SMU1: variants seen among roughly 807,000 people sequenced by gnomAD.
SMU1 encodes SMU1 DNA replication regulator and spliceosomal factor, also known as WD40 repeat-containing protein SMU1.
In SMU1, 2 loss-of-function variants were observed where a neutral mutation model predicts 62.0. The observed-to-expected ratio is 0.03, with a 90% CI of 0.01 to 0.10. The LOEUF (loss-of-function observed/expected upper bound fraction) is 0.10. Among genes scored for constraint, SMU1 ranks in the 10% least tolerant of loss-of-function variants. The pLI is 1.00. For missense variants in SMU1, 227 were observed against 622.1 expected, an observed-to-expected ratio of 0.36 and a Z score of 6.76; for synonymous variants, 188 against 212.4, an observed-to-expected ratio of 0.89 and a Z score of 1.00.
At chr9:33,050,874 C>A (rs1002390707) in intron 10 of SMU1, among the ~76,000 whole-genome samples, 1 of 68,636 alleles carries the variant, frequency 1.5e-5, no homozygotes, top group Non-Finnish European at 3.7e-5. Flanking sequence ...GTAATCCCAG[C>A]ACTTTGGGAG....
chr9:33,068,680 C>T (rs968895129), intron 4 of SMU1, 144 bp downstream of exon 4: 2 of 947,422 alleles, frequency 2.1e-6, no homozygotes, highest in South Asian at 3.7e-5. Flanking sequence ...AATTTTTTTA[C>T]TTTTTGTAGA....
At chr9:33,063,569 T>C (rs550300987) in intron 4 of SMU1, among the ~76,000 whole-genome samples, 4 of 152,300 alleles carry the variant, frequency 2.6e-5, no homozygotes, top group African/African-American at 9.6e-5. Flanking sequence ...CACGGCCTGT[T>C]AGGAACCCAG....
intron 4 of SMU1, among the ~76,000 whole-genome samples, chr9:33,065,341 G>A (rs1839407942): frequency 6.6e-6 from 1 of 152,038 alleles, no homozygotes; most frequent in Non-Finnish European, 1.5e-5. Flanking sequence ...ACGAAACCTA[G>A]AACCAAAACC....
At position 33,074,236 on chromosome 9, in the gene SMU1, G is replaced by C. The variant is rs1839517092; in HGVS notation, c.27-430C>G. ...TCAGTAATTTGGGAGGCTGAGGCAGGAGGATTGGCTGGAAACCAGGAGGTT... is the reference window on the plus strand; with the variant it reads ...TCAGTAATTTGGGAGGCTGAGGCAGCAGGATTGGCTGGAAACCAGGAGGTT... On this transcript the variant is annotated intron_variant, in intron 1 of 11. Coordinates refer to ENST00000397149, the MANE Select transcript of SMU1 (RefSeq NM_018225.3). 4.6e-5 allele frequency among the ~76,000 whole-genome samples: 7 copies of C among 152,172 alleles called. No individual in the cohort carries two copies. In the South Asian group the frequency reaches 1.4e-3, roughly 32 times the overall value.
At chr9:33,058,704 G>A (rs1400763599) in intron 6 of SMU1, among the ~76,000 whole-genome samples, 4 of 151,978 alleles carry the variant, frequency 2.6e-5, no homozygotes, top group Admixed American at 6.6e-5. Context: ...ACTTTATCCC[G>A]CTAAACAAAT....
chr9:33,070,324 C>T (rs1820040175), intron 3 of SMU1, among the ~76,000 whole-genome samples: 1 of 152,114 alleles, frequency 6.6e-6, no homozygotes, highest in Non-Finnish European at 1.5e-5. Context: ...AATCAAACTA[C>T]AATGAGATAT....
intron 9 of SMU1, among the ~76,000 whole-genome samples, chr9:33,053,631 C>T (rs953847963): frequency 3.9e-5 from 6 of 152,342 alleles, no homozygotes; most frequent in Admixed American, 3.3e-4. Context: ...ACAATGCCCG[C>T]ACACCACTTC....
At chr9:33,054,481 C>T (rs746787930) in intron 9 of SMU1, among the ~76,000 whole-genome samples, 3 of 152,198 alleles carry the variant, frequency 2.0e-5, no homozygotes, top group African/African-American at 7.2e-5. Context: ...ACATGAGGAA[C>T]TTTGAAGTGG....
chr9:33,047,767 G>A (rs1343707793), intron 11 of SMU1, among the ~76,000 whole-genome samples: 1 of 152,056 alleles, frequency 6.6e-6, no homozygotes, highest in East Asian at 1.9e-4. Flanking sequence ...GCTGAGGCAG[G>A]AGAATCACTT....
At chr9:33,070,679 G>A (rs1249994560) in intron 3 of SMU1, among the ~76,000 whole-genome samples, 1 of 152,174 alleles carries the variant, frequency 6.6e-6, no homozygotes, top group Non-Finnish European at 1.5e-5. Flanking sequence ...TGTACACAAT[G>A]GTGTACTAGC....
chr9:33,048,059 C>T (rs754630217), intron 11 of SMU1, 47 bp downstream of exon 11: 2 of 1,577,232 alleles, frequency 1.3e-6, no homozygotes, highest in Non-Finnish European at 8.7e-7. Context: ...CAGAAAGACA[C>T]AAGTCCTACC....
chr9:33,073,909 T>A (rs1482490703), intron 1 of SMU1, 103 bp from the exon 2 acceptor site: 4 of 1,081,364 alleles, frequency 3.7e-6, no homozygotes, highest in African/African-American at 1.6e-5. Context: ...CACTACTATT[T>A]CTTTATCATG....
In SMU1 at chr9:33,074,452, A is replaced by C. The variant is rs994271225; in HGVS notation, c.27-646T>G. On this transcript the variant is annotated intron_variant, in intron 1 of 11. Coordinates refer to ENST00000397149, the MANE Select transcript of SMU1 (RefSeq NM_018225.3). ...CTTCTCTACACACACACACACACAA[A>C]AAAAAAAATTAGCTAGGCATGATAG... Among the ~76,000 whole-genome samples, 482 of 150,730 alleles carry C rather than the reference A, an allele frequency of 3.2e-3. 4 individuals are homozygous for C. Among genetic ancestry groups the C allele is most frequent in the African/African-American group, 0.011 (462 of 40,936 alleles).
intron 4 of SMU1, 44 bp downstream of exon 4, chr9:33,068,780 C>A: frequency 2.5e-6 from 4 of 1,605,092 alleles, no homozygotes; most frequent in Non-Finnish European, 2.6e-6. Flanking sequence ...GCAAGGATGA[C>A]AGGTGTGAGC....
rs1839156674 is a variant in SMU1 at position 33,044,192 on chromosome 9, C to A, written c.*3101G>T. The A allele has an allele frequency of 6.6e-6, 1 of 152,328 alleles. No individual in the cohort carries two copies. The highest frequency in any genetic ancestry group is 2.4e-5 in the African/African-American group (1 of 41,442). The allele number at this position is 152,328 out of a possible 1,614,324, so 9.4% of individuals were successfully genotyped here. Reference sequence around the variant, plus strand: ...TAAATCTGGTGGCTGCAGCAGAGCACTTCCCTAGGAACCGACTGCACACGC... The same window carrying A: ...TAAATCTGGTGGCTGCAGCAGAGCAATTCCCTAGGAACCGACTGCACACGC... On this transcript the variant is annotated 3_prime_UTR_variant, in exon 12 of 12. Coordinates refer to ENST00000397149, the MANE Select transcript of SMU1 (RefSeq NM_018225.3).
At position 33,045,362 on chromosome 9, in the gene SMU1, C is replaced by A. The variant is rs1839172762; in HGVS notation, c.*1931G>T. 6.6e-6 allele frequency: 1 copy of A among 152,194 alleles called. No individual in the cohort carries two copies. Among genetic ancestry groups the A allele is most frequent in the Non-Finnish European group, 1.5e-5 (1 of 68,028 alleles). The allele number at this position is 152,194 out of a possible 1,614,324, so 9.4% of individuals were successfully genotyped here. On this transcript the variant is annotated 3_prime_UTR_variant, in exon 12 of 12. Coordinates refer to ENST00000397149, the MANE Select transcript of SMU1 (RefSeq NM_018225.3). ...TCAACTCCCACGACCATTTTTAAAT[C>A]ATCAAAATGGCAGCAAATGTCATTA...
rs2119406965 is a variant in SMU1, at chr9:33,042,188, T to C, written c.*5105A>G. 1 of 152,862 alleles carries C rather than the reference T, an allele frequency of 6.5e-6. No homozygotes were observed. Among genetic ancestry groups the C allele is most frequent in the East Asian group, 1.9e-4 (1 of 5,192 alleles). The allele number at this position is 152,862 out of a possible 1,614,324, so 9.5% of individuals were successfully genotyped here. ...GCAAAAACCGCAATTACTTTTGCAC[T>C]AACCTAATAGTTATATCCTGAAGAG... On this transcript the variant is annotated 3_prime_UTR_variant, in exon 12 of 12. Transcript: ENST00000397149.
At chr9:33,066,385 T>C (rs1839419499) in intron 4 of SMU1, among the ~76,000 whole-genome samples, 1 of 151,718 alleles carries the variant, frequency 6.6e-6, no homozygotes, top group Non-Finnish European at 1.5e-5. Flanking sequence ...CTGGACTCAG[T>C]ACTCCCACAA....
intron 6 of SMU1, among the ~76,000 whole-genome samples, chr9:33,059,814 G>C (rs1839343403): frequency 1.3e-5 from 2 of 151,336 alleles, no homozygotes; most frequent in Non-Finnish European, 2.9e-5. Flanking sequence ...GTTTCACCAT[G>C]TTGGCCAGGC....
Sources: allele counts gnomAD v4.1 joint callset (sites outside exome capture counted in the v4.1 genomes callset), GRCh38; gene constraint gnomAD v4.1.1; transcripts MANE v1.5; gene names NCBI Gene and HGNC (gene_info 2026-07-23, HGNC 2026-07-21).